Variants in RBMXL1 observed in about 807,000 individuals in gnomAD.
RBMXL1 encodes RBMX like 1.
In RBMXL1, 18 loss-of-function variants were observed where a neutral mutation model predicts 29.0. The ratio of observed to expected loss-of-function variants is 0.62; its 90% CI spans 0.43 to 0.92. The LOEUF (loss-of-function observed/expected upper bound fraction) is 0.92. Ranked by LOEUF, RBMXL1 falls within the 40% of genes least tolerant of loss-of-function variation. RBMXL1 has a pLI of 0.00. For missense variants in RBMXL1, 403 were observed against 495.8 expected (o/e 0.81, Z 1.78); for synonymous variants, 141 against 170.4 (o/e 0.83, Z 1.34).
Position 88,979,498 on chromosome 1 carries a change from T to C in RBMXL1, c.*3156A>G, listed in dbSNP as rs1472981115. On this transcript the variant is annotated 3_prime_UTR_variant, in exon 3 of 3. Coordinates refer to ENST00000652648, the MANE Select transcript of RBMXL1 (RefSeq NM_001162536.3). ...TAATACAGTATATATAAAGAACTTT[T>C]ACAACTCAATAAGACAAACAATCCA... The C allele has an allele frequency of 1.3e-5, 2 of 152,198 alleles. No individual in the cohort carries two copies. Among genetic ancestry groups the C allele is most frequent in the African/African-American group, 2.4e-5 (1 of 41,460 alleles). The allele number at this position is 152,198 out of a possible 1,614,324, so 9.4% of individuals were successfully genotyped here.
rs529131464 is a variant in RBMXL1, at chr1:88,981,004, G to T, written c.*1650C>A. On this transcript the variant is annotated 3_prime_UTR_variant, in exon 3 of 3. Transcript: ENST00000652648. ...ACAAAAAAAATTAGAAGTTGAGTTA[G>T]TTCCTCTAATCCAACAACTCAAGTC... The T allele has an allele frequency of 4.6e-5, 7 of 152,280 alleles. No homozygotes were observed. The highest frequency in any genetic ancestry group is 3.9e-4 in the Admixed American group (6 of 15,294). The allele number at this position is 152,280 out of a possible 1,614,324, so 9.4% of individuals were successfully genotyped here. A position where few individuals can be genotyped will look rare whatever the true frequency, so the allele number is the denominator to read the frequency against.
intron 1 of RBMXL1, among the ~76,000 whole-genome samples, chr1:88,991,387 T>C (rs1677785479): frequency 6.6e-6 from 1 of 152,212 alleles, no homozygotes; most frequent in Non-Finnish European, 1.5e-5. Flanking sequence ...TCAAGCAAGA[T>C]TAACATGAGG....
chr1:88,986,748 C>T (rs897934387), intron 2 of RBMXL1, among the ~76,000 whole-genome samples: 7 of 152,074 alleles, frequency 4.6e-5, no homozygotes, highest in African/African-American at 7.2e-5. Flanking sequence ...GTGGATGAAA[C>T]GAATATTCTA....
chr1:88,980,971 T>A lies in RBMXL1; in HGVS notation c.*1683A>T, dbSNP rs1431868438. ...CAAATGTTAAAACATGACAGTGCCA[T>A]AATTACAACAAAAAAAATTAGAAGT... On this transcript the variant is annotated 3_prime_UTR_variant, in exon 3 of 3. Transcript: ENST00000652648. The A allele has an allele frequency of 6.6e-6, 1 of 152,200 alleles. No homozygotes were observed. The highest frequency in any genetic ancestry group is 2.4e-5 in the African/African-American group (1 of 41,460). 9.4% of individuals were successfully genotyped at this position (152,200 alleles called of 1,614,324 possible).
At chr1:88,988,470 G>T in intron 1 of RBMXL1, 119 bp from the exon 2 acceptor site, 1 of 544,618 alleles carries the variant, frequency 1.8e-6, no homozygotes, top group South Asian at 3.4e-5. Flanking sequence ...AAACATTTTT[G>T]ATAAGTGAGT....
chr1:88,980,659 C>G lies in RBMXL1; in HGVS notation c.*1995G>C, dbSNP rs1677038303. 6.6e-6 allele frequency: 1 copy of G among 152,442 alleles called. No individual in the cohort carries two copies. The highest frequency in any genetic ancestry group is 2.4e-5 in the African/African-American group (1 of 41,436). 9.4% of individuals were successfully genotyped at this position (152,442 alleles called of 1,614,324 possible). A position where few individuals can be genotyped will look rare whatever the true frequency, so the allele number is the denominator to read the frequency against. On this transcript the variant is annotated 3_prime_UTR_variant, in exon 3 of 3. Coordinates refer to ENST00000652648, the MANE Select transcript of RBMXL1 (RefSeq NM_001162536.3). Reference sequence around the variant, plus strand: ...ACTATTTATCAAACAGGTGTCTGGTCATTTTAACATACTCCTTGCTTTGAA... The same window carrying G: ...ACTATTTATCAAACAGGTGTCTGGTGATTTTAACATACTCCTTGCTTTGAA...
rs1677126066 is a variant in RBMXL1, at chr1:88,982,223, G to A, written c.*431C>T. The A allele has an allele frequency of 1.4e-6, 1 of 738,580 alleles. No homozygotes were observed. Among genetic ancestry groups the A allele is most frequent in the Admixed American group, 5.4e-5 (1 of 18,650 alleles). 45.8% of individuals were successfully genotyped at this position (738,580 alleles called of 1,614,324 possible). ...TAGAAAACACCCTGAAATCTTATGA[G>A]TAGCATACTCCAACCACCCTCTAAT... is the stretch of plus-strand genomic sequence containing the variant. On this transcript the variant is annotated 3_prime_UTR_variant, in exon 3 of 3. Coordinates refer to ENST00000652648, the MANE Select transcript of RBMXL1 (RefSeq NM_001162536.3).
chr1:88,986,137 C>T (rs908619478), intron 2 of RBMXL1, among the ~76,000 whole-genome samples: 6 of 150,258 alleles, frequency 4.0e-5, no homozygotes, highest in Non-Finnish European at 7.4e-5. Flanking sequence ...GCCGAGATTG[C>T]GCCATTGCAC....
At position 88,980,329 on chromosome 1, in the gene RBMXL1, C is replaced by T. The variant is rs915321062; in HGVS notation, c.*2325G>A. 1.3e-5 allele frequency: 2 copies of T among 152,550 alleles called. No homozygotes were observed. Among genetic ancestry groups the T allele is most frequent in the African/African-American group, 4.8e-5 (2 of 41,418 alleles). 9.4% of individuals were successfully genotyped at this position (152,550 alleles called of 1,614,324 possible). ...TGATAAAGCTGAATTTAAAAAGCTGCCAGAGTATTCTGAAATCATGCCTTC... is the reference window on the plus strand; with the variant it reads ...TGATAAAGCTGAATTTAAAAAGCTGTCAGAGTATTCTGAAATCATGCCTTC... On this transcript the variant is annotated 3_prime_UTR_variant, in exon 3 of 3. Coordinates refer to ENST00000652648, the MANE Select transcript of RBMXL1 (RefSeq NM_001162536.3).
At position 88,982,178 on chromosome 1, in the gene RBMXL1, G is replaced by T; in HGVS notation, c.*476C>A. 2 of 875,048 alleles carry T rather than the reference G, an allele frequency of 2.3e-6. No individual in the cohort carries two copies. Among genetic ancestry groups the T allele is most frequent in the South Asian group, 1.0e-4 (2 of 19,386 alleles). The allele number at this position is 875,048 out of a possible 1,614,324, so 54.2% of individuals were successfully genotyped here. ...CATCTGATTTCAGGTTTTGCATACT[G>T]AGAACAGTGAGATTTCAGTTAGAAA... is the stretch of plus-strand genomic sequence containing the variant. On this transcript the variant is annotated 3_prime_UTR_variant, in exon 3 of 3. Coordinates refer to ENST00000652648, the MANE Select transcript of RBMXL1 (RefSeq NM_001162536.3).
chr1:88,989,975 T>C (rs1677691224), intron 1 of RBMXL1, among the ~76,000 whole-genome samples: 1 of 152,168 alleles, frequency 6.6e-6, no homozygotes, highest in African/African-American at 2.4e-5. Flanking sequence ...CTACTATATT[T>C]TGTAGGTAAC....
At position 88,982,346 on chromosome 1, in the gene RBMXL1, G is replaced by GA. The variant is rs1401292072; in HGVS notation, c.*307dup. On this transcript the variant is annotated 3_prime_UTR_variant, in exon 3 of 3. Transcript: ENST00000652648. ...TAGAATTGCTTGCCTCATTTACTGG[G>GA]AAAAACCAGATAGGAAGTGGTCTTT... is the stretch of plus-strand genomic sequence containing the variant. The GA allele has an allele frequency of 1.4e-6, 1 of 729,736 alleles. No individual in the cohort carries two copies. The allele number at this position is 729,736 out of a possible 1,614,324, so 45.2% of individuals were successfully genotyped here.
chr1:88,980,650 G>A lies in RBMXL1; in HGVS notation c.*2004C>T, dbSNP rs141273429. On this transcript the variant is annotated 3_prime_UTR_variant, in exon 3 of 3. Transcript: ENST00000652648. Reference sequence around the variant, plus strand: ...GTTCAGTAAACTATTTATCAAACAGGTGTCTGGTCATTTTAACATACTCCT... The same window carrying A: ...GTTCAGTAAACTATTTATCAAACAGATGTCTGGTCATTTTAACATACTCCT... 7.9e-5 allele frequency: 12 copies of A among 152,482 alleles called. No individual in the cohort carries two copies. Among genetic ancestry groups the A allele is most frequent in the African/African-American group, 2.9e-4 (12 of 41,508 alleles). 9.4% of individuals were successfully genotyped at this position (152,482 alleles called of 1,614,324 possible). A position where few individuals can be genotyped will look rare whatever the true frequency, so the allele number is the denominator to read the frequency against.
chr1:88,986,025 A>G (rs1394092882), intron 2 of RBMXL1, among the ~76,000 whole-genome samples: 1 of 152,062 alleles, frequency 6.6e-6, no homozygotes. Context: ...TACAAAAAAT[A>G]CAAATATTGG....
Position 88,983,246 on chromosome 1 carries a change from G to A in RBMXL1, c.581C>T (p.Pro194Leu), listed in dbSNP as rs762631529. 2.5e-6 allele frequency: 4 copies of A among 1,613,480 alleles called. No homozygotes were observed. In the South Asian group the frequency reaches 3.3e-5, roughly 13 times the overall value. The change falls in exon 3 of 3, where the codon CCT (proline) becomes CTT (leucine). Residue 194 changes from proline (P) to leucine (L), a missense_variant. Pro to Leu is a moderately conservative substitution (Grantham distance 98). Coordinates refer to ENST00000652648, the MANE Select transcript of RBMXL1 (RefSeq NM_001162536.3). ...SRGRDSYGGP[P>L]RREPLPSRRD... ...ACGAGAGGGGAGCGGTTCCCTTCGAGGTGGACCTCCATAACTATCTCTTCC... is the reference window on the plus strand; with the variant it reads ...ACGAGAGGGGAGCGGTTCCCTTCGAAGTGGACCTCCATAACTATCTCTTCC...
rs767797886 is a variant in RBMXL1, at chr1:88,983,565, A to G, written c.262T>C (p.Ser88Pro). Residue 88 changes from serine (S) to proline (P), a missense_variant, in exon 3 of 3, where the codon TCA becomes CCA. Ser to Pro is a moderately conservative substitution (Grantham distance 74). Transcript: ENST00000652648. Reference protein sequence around the residue: ...AIKVEQATKPSFERGRHGPPP... With the variant: ...AIKVEQATKPPFERGRHGPPP... ...GGTCCATGTCTACCTCTTTCAAATG[A>G]TGGTTTGGTGGCTTGTTCCACCTTG... The G allele has an allele frequency of 6.8e-6, 11 of 1,613,974 alleles. No individual in the cohort carries two copies.
chr1:88,982,964 T>C lies in RBMXL1; in HGVS notation c.863A>G (p.Tyr288Cys). ...GGSYRDSYESYGNSRSAPLTR... is the reference protein window; with the variant it reads ...GGSYRDSYESCGNSRSAPLTR... ...AAGTGGAGCACTACGTGAGTTACCA[T>C]AACTCTCATATGAATCTCTGTAGGA... is the stretch of plus-strand genomic sequence containing the variant. Residue 288 changes from tyrosine to cysteine, a missense_variant, in exon 3 of 3, where the codon TAT becomes TGT. Tyr to Cys is a radical substitution (Grantham distance 194). Coordinates refer to ENST00000652648, the MANE Select transcript of RBMXL1 (RefSeq NM_001162536.3). 2 of 1,613,816 alleles carry C rather than the reference T, an allele frequency of 1.2e-6. No homozygotes were observed. Among genetic ancestry groups the C allele is most frequent in the Non-Finnish European group, 1.7e-6 (2 of 1,179,948 alleles).
At chr1:88,984,129 CT>C in intron 2 of RBMXL1, 63 bp from the exon 3 acceptor site, 1 of 387,704 alleles carries the variant, frequency 2.6e-6, no homozygotes, top group Non-Finnish European at 4.9e-6. Flanking sequence ...GGGAAAGATG[CT>C]TAAAGATACA....
chr1:88,981,225 T>A lies in RBMXL1; in HGVS notation c.*1429A>T, dbSNP rs1273582440. The A allele has an allele frequency of 6.6e-6, 1 of 152,244 alleles. No homozygotes were observed. The highest frequency in any genetic ancestry group is 1.5e-5 in the Non-Finnish European group (1 of 68,038). 9.4% of individuals were successfully genotyped at this position (152,244 alleles called of 1,614,324 possible). A position where few individuals can be genotyped will look rare whatever the true frequency, so the allele number is the denominator to read the frequency against. On this transcript the variant is annotated 3_prime_UTR_variant, in exon 3 of 3. Coordinates refer to ENST00000652648, the MANE Select transcript of RBMXL1 (RefSeq NM_001162536.3). ...CAGATGTCACTCATAAGTTTTATTC[T>A]ACAACTAAACTGTTTGTGGATAAGC...
Sources: allele counts gnomAD v4.1 joint callset (sites outside exome capture counted in the v4.1 genomes callset), GRCh38; gene constraint gnomAD v4.1.1; transcripts MANE v1.5; gene names NCBI Gene and HGNC (gene_info 2026-07-23, HGNC 2026-07-21).